The following RREB1 variants were observed in gnomAD, a reference collection of about 807,000 sequenced individuals.
RREB1 encodes the protein ras-responsive element-binding protein 1.
RREB1 carries 27 observed loss-of-function variants against 117.8 expected under a neutral mutation model. That is an observed-to-expected ratio of 0.23 (90% CI 0.17 to 0.32). The LOEUF is 0.32. RREB1 is among the 10% of genes least tolerant of loss of function. The pLI, the probability that RREB1 is intolerant of heterozygous loss-of-function variation, is 1.00. For missense variants in RREB1, 2,577 were observed against 2,378.2 expected (o/e 1.08, Z -1.74); for synonymous variants, 1,298 against 1,026.7 (o/e 1.26, Z -5.05).
chr6:7,174,107 C>T (rs1160113061), intron 1 of RREB1, among the ~76,000 whole-genome samples: 3 of 151,298 alleles, frequency 2.0e-5, no homozygotes, highest in Admixed American at 2.0e-4. Context: ...CTTTCTGTCA[C>T]ACTTCACCTA....
chr6:7,146,442 G>T (rs891957509), intron 1 of RREB1, among the ~76,000 whole-genome samples: 1 of 152,126 alleles, frequency 6.6e-6, no homozygotes, highest in African/African-American at 2.4e-5. Flanking sequence ...CAGCCTGGGA[G>T]GGCAGTGAGG....
At chr6:7,211,817 C>T (rs1293180489) in intron 8 of RREB1, 108 bp downstream of exon 8, 1 of 1,187,764 alleles carries the variant, frequency 8.4e-7, no homozygotes, top group East Asian at 2.5e-5. Flanking sequence ...TGAACTTGGG[C>T]ACAACAACAT....
At chr6:7,142,912 G>C (rs1032581350) in intron 1 of RREB1, among the ~76,000 whole-genome samples, 7 of 152,228 alleles carry the variant, frequency 4.6e-5, no homozygotes, top group Admixed American at 1.3e-4. Context: ...CCCCTCTCCA[G>C]GAGGTTCTGG....
At chr6:7,237,729 T>A (rs1768427976) in intron 10 of RREB1, among the ~76,000 whole-genome samples, 1 of 152,202 alleles carries the variant, frequency 6.6e-6, no homozygotes, top group South Asian at 2.1e-4. Context: ...TGCGTTATTA[T>A]AAAATACTAA....
intron 8 of RREB1, chr6:7,216,084 A>G (rs1042571574): frequency 1.3e-5 from 2 of 152,264 alleles, no homozygotes; most frequent in Non-Finnish European, 2.9e-5. Flanking sequence ...TAACGTTAAC[A>G]TCATTTCAGT....
Position 7,251,489 on chromosome 6 carries a change from C to CG in RREB1, c.*2521_*2522insG, listed in dbSNP as rs1769406603. 1.6e-5 allele frequency: 2 copies of CG among 121,354 alleles called. No individual in the cohort carries two copies. The highest frequency in any genetic ancestry group is 3.2e-5 in the African/African-American group (1 of 31,418). The allele number at this position is 121,354 out of a possible 1,614,324, so 7.5% of individuals were successfully genotyped here. On this transcript the variant is annotated 3_prime_UTR_variant, in exon 13 of 13. Transcript: ENST00000379938. ...GTTTTTTGAGGTGCAAGTTTTTTCT[C>CG]TTTTTTTTTTTTTTTTTTTTTTCTC...
intron 6 of RREB1, among the ~76,000 whole-genome samples, chr6:7,194,965 C>A (rs934865496): frequency 6.6e-6 from 1 of 152,280 alleles, no homozygotes; most frequent in Middle Eastern, 3.4e-3. Flanking sequence ...CCGTACCTAC[C>A]GCATGGGAAT....
chr6:7,189,589 G>C (rs906665419), intron 6 of RREB1, among the ~76,000 whole-genome samples: 6 of 152,114 alleles, frequency 3.9e-5, no homozygotes, highest in Non-Finnish European at 5.9e-5. Context: ...TGTTTGTTTG[G>C]GTGCTAGAAG....
intron 1 of RREB1, among the ~76,000 whole-genome samples, chr6:7,155,116 T>C (rs1180638654): frequency 6.6e-6 from 1 of 152,192 alleles, no homozygotes; most frequent in African/African-American, 2.4e-5. Context: ...TTTTCTTCAG[T>C]TAACCTATGT....
intron 8 of RREB1, among the ~76,000 whole-genome samples, chr6:7,224,756 C>G (rs1333906808): frequency 2.0e-5 from 3 of 152,116 alleles, no homozygotes; most frequent in African/African-American, 7.2e-5. Context: ...GACTTCCAGC[C>G]CCTAAAGGTG....
At chr6:7,223,072 T>G (rs1380377610) in intron 8 of RREB1, among the ~76,000 whole-genome samples, 1 of 151,662 alleles carries the variant, frequency 6.6e-6, no homozygotes, top group African/African-American at 2.4e-5. Flanking sequence ...CTAGGCAACA[T>G]GGTGACACCA....
At chr6:7,112,043 C>T (rs900381715) in intron 1 of RREB1, among the ~76,000 whole-genome samples, 1 of 152,176 alleles carries the variant, frequency 6.6e-6, no homozygotes. Flanking sequence ...GATTACCATT[C>T]CCTTAGATTA....
Position 7,229,434 on chromosome 6 carries a change from C to T in RREB1, c.1335C>T (p.Gly445=). 14 of 1,614,226 alleles carry T rather than the reference C, an allele frequency of 8.7e-6. No homozygotes were observed. Among genetic ancestry groups the T allele is most frequent in the Non-Finnish European group, 1.2e-5 (14 of 1,180,040 alleles). Residue 445 remains glycine, a synonymous_variant, in exon 10 of 13, where the codon GGC becomes GGT. Transcript: ENST00000379938. The surrounding 1 kb of genome is among the most constrained non-coding windows in gnomAD (Gnocchi z 4.5). ...KHLSLQPFQK[G]FIIQPDSSIV... is the part of the protein sequence containing the mutation. Reference sequence around the variant, plus strand: ...TGTCCCTGCAGCCCTTCCAGAAGGGCTTCATCATCCAGCCTGACAGCAGCA... The same window carrying T: ...TGTCCCTGCAGCCCTTCCAGAAGGGTTTCATCATCCAGCCTGACAGCAGCA...
chr6:7,244,525 C>T (rs1444004401), intron 11 of RREB1, among the ~76,000 whole-genome samples: 3 of 152,160 alleles, frequency 2.0e-5, no homozygotes, highest in Non-Finnish European at 2.9e-5. Flanking sequence ...TCAAGAAAAA[C>T]GAACATCTAG....
chr6:7,160,884 C>T (rs950885199), intron 1 of RREB1, among the ~76,000 whole-genome samples: 3 of 152,138 alleles, frequency 2.0e-5, no homozygotes, highest in Non-Finnish European at 4.4e-5. Context: ...TGGAGTTTCA[C>T]TTTGTTGGCC....
At chr6:7,208,398 A>G (rs1245915343) in intron 6 of RREB1, among the ~76,000 whole-genome samples, 1 of 151,970 alleles carries the variant, frequency 6.6e-6, no homozygotes, top group East Asian at 1.9e-4. Flanking sequence ...ACCTGGCCGG[A>G]CCCCTCCAAC....
At chr6:7,153,459 TTTAC>T (rs1763222534) in intron 1 of RREB1, among the ~76,000 whole-genome samples, 1 of 137,948 alleles carries the variant, frequency 7.2e-6, no homozygotes, top group Admixed American at 7.0e-5. Flanking sequence ...CTCCAATGTA[TTTAC>T]TTTTCACATT....
rs193150837 is a variant in RREB1, at chr6:7,200,511, C to T, written c.426-10293C>T. Among the ~76,000 whole-genome samples, 621 of 152,170 alleles carry T rather than the reference C, an allele frequency of 4.1e-3. 5 individuals are homozygous for T. The highest frequency in any genetic ancestry group is 0.014 in the African/African-American group (563 of 41,514). Reference sequence around the variant, plus strand: ...CTCAAACTCCTGACCTCAGGTGATCCGACCACCTCAGCCTCCCAAAGTGCT... The same window carrying T: ...CTCAAACTCCTGACCTCAGGTGATCTGACCACCTCAGCCTCCCAAAGTGCT... On this transcript the variant is annotated intron_variant, in intron 6 of 12. Coordinates refer to ENST00000379938, the MANE Select transcript of RREB1 (RefSeq NM_001003699.4).
intron 1 of RREB1, among the ~76,000 whole-genome samples, chr6:7,164,311 C>T (rs1001984833): frequency 6.6e-6 from 1 of 152,262 alleles, no homozygotes; most frequent in African/African-American, 2.4e-5. Context: ...TTCCCCCACC[C>T]GGTTCTCTTA....
Sources: gnomAD v4.1 joint callset for allele counts (sites outside exome capture counted in the v4.1 genomes callset) on GRCh38, gnomAD v4.1.1 for gene constraint, Gnocchi (gnomAD v3.1) non-coding constraint, MANE v1.5 for transcripts, NCBI Gene and HGNC (gene_info 2026-07-23, HGNC 2026-07-21) for gene names.